Variants in ATF6 observed in about 807,000 individuals in gnomAD.
ATF6 encodes cyclic AMP-dependent transcription factor ATF-6 alpha.
ATF6 carries 53 observed loss-of-function variants against 83.6 expected under a neutral mutation model. The ratio of observed to expected loss-of-function variants is 0.63; its 90% CI spans 0.51 to 0.80. The LOEUF is 0.80. Among genes scored for constraint, ATF6 ranks in the 30% least tolerant of loss-of-function variants. The pLI, the probability that ATF6 is intolerant of heterozygous loss-of-function variation, is 0.00. For missense variants in ATF6, 744 were observed against 797.9 expected, an observed-to-expected ratio of 0.93 and a Z score of 0.81; for synonymous variants, 288 against 285.8, an observed-to-expected ratio of 1.01 and a Z score of -0.08.
rs552757893 is a variant in ATF6 at position 161,809,384 on chromosome 1, TA to T, written c.909+7113del. ...CAAAGGACATGAACTTATCCTTTTT[TA>T]TGGCTGCATAGTATTCCATGGTGTA... On this transcript the variant is annotated intron_variant, in intron 7 of 15. Transcript: ENST00000367942. 2.8e-3 allele frequency among the ~76,000 whole-genome samples: 420 copies of T among 152,348 alleles called. 3 individuals carry two copies. Among genetic ancestry groups the T allele is most frequent in the African/African-American group, 9.4e-3 (392 of 41,582 alleles).
intron 14 of ATF6, among the ~76,000 whole-genome samples, chr1:161,863,619 CAT>C (rs1485967992): frequency 1.3e-5 from 2 of 152,100 alleles, no homozygotes; most frequent in Non-Finnish European, 2.9e-5. Context: ...AAAGTAAAAA[CAT>C]AAAAATATTC....
At chr1:161,888,872 C>G (rs1207079232) in intron 14 of ATF6, among the ~76,000 whole-genome samples, 1 of 152,106 alleles carries the variant, frequency 6.6e-6, no homozygotes, top group African/African-American at 2.4e-5. Context: ...CGAGCTGGTC[C>G]ATACCTCTCC....
chr1:161,914,315 C>G (rs182862780), intron 15 of ATF6, among the ~76,000 whole-genome samples: 3 of 152,274 alleles, frequency 2.0e-5, no homozygotes, highest in Non-Finnish European at 4.4e-5. Flanking sequence ...TTGCTTCCCA[C>G]TACAACTTTC....
At chr1:161,933,008 G>T (rs1688464814) in intron 15 of ATF6, among the ~76,000 whole-genome samples, 1 of 152,194 alleles carries the variant, frequency 6.6e-6, no homozygotes, top group African/African-American at 2.4e-5. Flanking sequence ...CAAGATGGAA[G>T]CCATAGTATC....
intron 7 of ATF6, among the ~76,000 whole-genome samples, chr1:161,814,768 A>G (rs1260948993): frequency 1.3e-5 from 2 of 152,246 alleles, no homozygotes; most frequent in African/African-American, 4.8e-5. Context: ...AAGTGTACGT[A>G]AGATTCTTAA....
At chr1:161,844,428 G>A (rs1184618415) in intron 9 of ATF6, among the ~76,000 whole-genome samples, 1 of 152,126 alleles carries the variant, frequency 6.6e-6, no homozygotes, top group Non-Finnish European at 1.5e-5. Context: ...TCAAAAGGTG[G>A]AAGTTTTTTT....
chr1:161,942,636 AT>A (rs1688670661), intron 15 of ATF6, among the ~76,000 whole-genome samples: 1 of 152,214 alleles, frequency 6.6e-6, no homozygotes, highest in African/African-American at 2.4e-5. Context: ...ACATCATCAT[AT>A]TTAATCCTTA....
intron 15 of ATF6, among the ~76,000 whole-genome samples, chr1:161,928,396 A>G (rs1318484972): frequency 6.6e-6 from 1 of 152,208 alleles, no homozygotes; most frequent in East Asian, 1.9e-4. Context: ...CAGCAAAAAG[A>G]TGTCTATCCT....
At position 161,959,595 on chromosome 1, in the gene ATF6, G is replaced by A. The variant is rs1441879617; in HGVS notation, c.*941G>A. 2.7e-5 allele frequency: 4 copies of A among 148,474 alleles called. No individual in the cohort carries two copies. Among genetic ancestry groups the A allele is most frequent in the Non-Finnish European group, 4.4e-5 (3 of 67,442 alleles). The allele number at this position is 148,474 out of a possible 1,614,324, so 9.2% of individuals were successfully genotyped here. The stretch of plus-strand genomic sequence containing the variant: ...TGAGGCAGGAGAATGGCGTGAACCC[G>A]GGAGGCGGAGCTTGCAGTGAGCCGA... On this transcript the variant is annotated 3_prime_UTR_variant, in exon 16 of 16. Transcript: ENST00000367942.
chr1:161,824,885 AAAC>A (rs1157452173), intron 9 of ATF6, among the ~76,000 whole-genome samples: 2 of 152,208 alleles, frequency 1.3e-5, no homozygotes, highest in Admixed American at 1.3e-4. Flanking sequence ...TCAGATATGT[AAAC>A]AACTGTTGTA....
chr1:161,924,941 CCAGT>C lies in ATF6; in HGVS notation c.1804+12562_1804+12565del, dbSNP rs1393564501. Among the ~76,000 whole-genome samples the C allele has an allele frequency of 4.6e-5, 7 of 152,318 alleles. No individual in the cohort carries two copies. In the East Asian group the frequency reaches 9.6e-4, roughly 21 times the overall value. On this transcript the variant is annotated intron_variant, in intron 15 of 15. Transcript: ENST00000367942. Reference sequence around the variant, plus strand: ...CTGCAACATGTTGCTCTGTGGCCAACCAGTTTAGATATAATCACCGCCATGTATA... The same window carrying C: ...CTGCAACATGTTGCTCTGTGGCCAACTTAGATATAATCACCGCCATGTATA...
intron 14 of ATF6, among the ~76,000 whole-genome samples, chr1:161,894,805 C>T (rs1196517811): frequency 1.3e-5 from 2 of 151,018 alleles, no homozygotes; most frequent in Admixed American, 6.6e-5. Flanking sequence ...CCGCCTTGGC[C>T]TCCCAAAGTG....
intron 15 of ATF6, among the ~76,000 whole-genome samples, chr1:161,939,018 T>G (rs1294545464): frequency 6.6e-6 from 1 of 152,220 alleles, no homozygotes; most frequent in African/African-American, 2.4e-5. Flanking sequence ...CTGTTCTCTC[T>G]ATAACCCACT....
intron 1 of ATF6, among the ~76,000 whole-genome samples, chr1:161,772,935 C>T (rs1444498336): frequency 6.7e-6 from 1 of 149,220 alleles, no homozygotes; most frequent in Non-Finnish European, 1.5e-5. Flanking sequence ...CCAGTCCAGT[C>T]AGGTGCCACC....
intron 7 of ATF6, among the ~76,000 whole-genome samples, chr1:161,819,050 A>G (rs1357713278): frequency 6.6e-6 from 1 of 152,186 alleles, no homozygotes; most frequent in African/African-American, 2.4e-5. Flanking sequence ...TTTCACTGGA[A>G]TAAATTTGGT....
chr1:161,919,419 T>C (rs1394635648), intron 15 of ATF6, among the ~76,000 whole-genome samples: 4 of 152,220 alleles, frequency 2.6e-5, no homozygotes, highest in African/African-American at 7.2e-5. Flanking sequence ...TTTCTACTTA[T>C]GTTGTGGTAA....
intron 15 of ATF6, 109 bp from the exon 16 acceptor site, chr1:161,958,337 T>G: frequency 9.0e-7 from 1 of 1,106,168 alleles, no homozygotes; most frequent in Non-Finnish European, 1.3e-6. Flanking sequence ...GAAAGTTTAC[T>G]GACAGTTCAC....
intron 15 of ATF6, among the ~76,000 whole-genome samples, chr1:161,933,127 G>A (rs886558778): frequency 1.3e-5 from 2 of 152,150 alleles, no homozygotes; most frequent in African/African-American, 4.8e-5. Flanking sequence ...AATACCAAGG[G>A]TATGAACACC....
chr1:161,807,968 C>A (rs969592613), intron 7 of ATF6, among the ~76,000 whole-genome samples: 1 of 140,870 alleles, frequency 7.1e-6, no homozygotes, highest in African/African-American at 2.6e-5. Context: ...CAACCTCCAC[C>A]TTCCAGGTTC....
Sources: gnomAD v4.1 joint callset for allele counts (sites outside exome capture counted in the v4.1 genomes callset) on GRCh38, gnomAD v4.1.1 for gene constraint, MANE v1.5 for transcripts, NCBI Gene and HGNC (gene_info 2026-07-23, HGNC 2026-07-21) for gene names.